The following DLG1 variants were observed in gnomAD, a reference collection of about 807,000 sequenced individuals.
DLG1 encodes disks large homolog 1.
A neutral mutation model predicts 123.4 loss-of-function variants in DLG1; 42 were observed. The observed-to-expected ratio is 0.34, with a 90% confidence interval of 0.27 to 0.44. The LOEUF (loss-of-function observed/expected upper bound fraction) is 0.44, where lower values mean the gene tolerates loss of function less well. Among genes scored for constraint, DLG1 ranks in the 20% least tolerant of loss-of-function variants. The probability of loss-of-function intolerance (pLI) is 1.00; values close to 1 mark genes in which losing one functional copy is unlikely to be tolerated. For synonymous variants in DLG1, 317 were observed against 356.2 expected (o/e 0.89, Z 1.24); for missense variants, 942 against 1,082.6 (o/e 0.87, Z 1.82).
At chr3:197,266,558 G>A (rs1761777595) in intron 4 of DLG1, among the ~76,000 whole-genome samples, 2 of 151,898 alleles carry the variant, frequency 1.3e-5, no homozygotes, top group Non-Finnish European at 2.9e-5. Context: ...GGATGCAGTG[G>A]GCCATGACCA....
At chr3:197,262,220 C>T (rs1759728070) in intron 4 of DLG1, among the ~76,000 whole-genome samples, 1 of 152,040 alleles carries the variant, frequency 6.6e-6, no homozygotes, top group Admixed American at 6.5e-5. Context: ...ACTTTCAGCT[C>T]CACCCACCAA....
At chr3:197,094,781 A>G (rs1408347744) in intron 14 of DLG1, among the ~76,000 whole-genome samples, 2 of 152,094 alleles carry the variant, frequency 1.3e-5, no homozygotes, top group Admixed American at 6.5e-5. Flanking sequence ...TCCAGTTTTT[A>G]TATGTGAAAG....
intron 5 of DLG1, among the ~76,000 whole-genome samples, chr3:197,156,036 A>G (rs1796281279): frequency 6.6e-6 from 1 of 152,244 alleles, no homozygotes. Flanking sequence ...AAAAGCTAAC[A>G]TTATAACTTT....
intron 4 of DLG1, among the ~76,000 whole-genome samples, chr3:197,206,510 G>A (rs2150364588): frequency 1.3e-5 from 2 of 152,136 alleles, no homozygotes; most frequent in Middle Eastern, 3.4e-3. Flanking sequence ...ACATTGCGCA[G>A]GCTGGTCTGG....
At chr3:197,273,172 C>G (rs1483358803) in intron 4 of DLG1, among the ~76,000 whole-genome samples, 2 of 150,230 alleles carry the variant, frequency 1.3e-5, no homozygotes, top group Non-Finnish European at 3.0e-5. Flanking sequence ...CAGATTAAAC[C>G]TGGTACACTG....
At chr3:197,133,734 C>A (rs1243077304) in intron 10 of DLG1, among the ~76,000 whole-genome samples, 1 of 152,060 alleles carries the variant, frequency 6.6e-6, no homozygotes, top group Non-Finnish European at 1.5e-5. Flanking sequence ...TTAGAGGTTA[C>A]AGATATGAGG....
At position 197,125,478 on chromosome 3, in the gene DLG1, T is replaced by C. The variant is rs1282977071; in HGVS notation, c.1165+5049A>G. ...ACATGAGAAACCATGGAATCTAAGC[T>C]AATACAAATAGAAAAATTGAGACAA... On this transcript the variant is annotated intron_variant, in intron 11 of 24. Transcript: ENST00000667157. Among the ~76,000 whole-genome samples, 3 of 152,024 alleles carry C rather than the reference T, an allele frequency of 2.0e-5. No homozygotes were observed. The East Asian group carries it at 5.8e-4, about 29-fold the overall frequency.
Position 197,175,778 on chromosome 3 carries a change from T to C in DLG1, c.483+18647A>G, listed in dbSNP as rs147009122. Reference sequence around the variant, plus strand: ...TGGCTGACATTAAACAAAATCATTATCCAAATGACTACTGAATTAGAGTCG... The same window carrying C: ...TGGCTGACATTAAACAAAATCATTACCCAAATGACTACTGAATTAGAGTCG... On this transcript the variant is annotated intron_variant, in intron 5 of 24. Transcript: ENST00000667157. Among the ~76,000 whole-genome samples, 438 of 152,244 alleles carry C rather than the reference T, an allele frequency of 2.9e-3. 4 individuals carry two copies. The highest frequency in any genetic ancestry group is 0.01 in the African/African-American group (417 of 41,550).
intron 4 of DLG1, among the ~76,000 whole-genome samples, chr3:197,212,095 G>C (rs996026168): frequency 6.8e-6 from 1 of 146,472 alleles, no homozygotes; most frequent in African/African-American, 2.4e-5. Context: ...TGAGGGTGGA[G>C]AGTGGGAGGA....
At chr3:197,275,874 A>C (rs1766181510) in intron 4 of DLG1, among the ~76,000 whole-genome samples, 2 of 152,360 alleles carry the variant, frequency 1.3e-5, no homozygotes, top group African/African-American at 4.8e-5. Context: ...TAGAAGAGAA[A>C]ATCTGGAATA....
intron 5 of DLG1, among the ~76,000 whole-genome samples, chr3:197,163,554 G>A (rs1398553213): frequency 1.3e-5 from 2 of 148,496 alleles, no homozygotes; most frequent in African/African-American, 2.5e-5. Flanking sequence ...ATGGAGTCTC[G>A]CTCTGTTGCC....
chr3:197,106,351 A>G (rs765965048), intron 13 of DLG1, among the ~76,000 whole-genome samples: 15 of 152,172 alleles, frequency 9.9e-5, no homozygotes, highest in Non-Finnish European at 1.9e-4. Context: ...AGTTACAGTG[A>G]GCTGAGATCA....
At chr3:197,270,180 G>C (rs1201087311) in intron 4 of DLG1, among the ~76,000 whole-genome samples, 1 of 152,048 alleles carries the variant, frequency 6.6e-6, no homozygotes, top group Non-Finnish European at 1.5e-5. Flanking sequence ...AATAAACTTG[G>C]GAAAATTGTT....
At chr3:197,057,511 G>A (rs1448620887) in intron 23 of DLG1, among the ~76,000 whole-genome samples, 1 of 152,214 alleles carries the variant, frequency 6.6e-6, no homozygotes, top group African/African-American at 2.4e-5. Flanking sequence ...TTCAGCTTTA[G>A]GAGACACTAT....
In DLG1 at chr3:197,145,449, C is replaced by G. The variant is rs116714935; in HGVS notation, c.538-2681G>C. ...TACTCTATTCTATTTTTAGAAACCT[C>G]AAAATTTACCAATTTTCCTTGGCAT... On this transcript the variant is annotated intron_variant, in intron 6 of 24. Transcript: ENST00000667157. 3.4e-3 allele frequency among the ~76,000 whole-genome samples: 516 copies of G among 152,290 alleles called. 2 individuals carry two copies. Among genetic ancestry groups the G allele is most frequent in the African/African-American group, 5.1e-3 (211 of 41,564 alleles).
Position 197,222,100 on chromosome 3 carries a change from C to T in DLG1, c.319-27511G>A, listed in dbSNP as rs190474615. Among the ~76,000 whole-genome samples the T allele has an allele frequency of 5.5e-3, 837 of 152,220 alleles. 7 individuals carry two copies. The highest frequency in any genetic ancestry group is 6.2e-3 in the Non-Finnish European group (424 of 68,004). Reference sequence around the variant, plus strand: ...GTTCAGTACAAACACAATTTTTCCCCCGAATTCTGATCCACAGTCGGTTGA... The same window carrying T: ...GTTCAGTACAAACACAATTTTTCCCTCGAATTCTGATCCACAGTCGGTTGA... On this transcript the variant is annotated intron_variant, in intron 4 of 24. Coordinates refer to ENST00000667157, the MANE Select transcript of DLG1 (RefSeq NM_001366207.1).
chr3:197,083,040 C>A (rs2149083089), intron 16 of DLG1, among the ~76,000 whole-genome samples: 1 of 152,236 alleles, frequency 6.6e-6, no homozygotes, highest in Admixed American at 6.5e-5. Context: ...GGAAGCATTT[C>A]CGAATTTAAA....
At chr3:197,185,883 T>C (rs545673873) in intron 5 of DLG1, among the ~76,000 whole-genome samples, 6 of 152,292 alleles carry the variant, frequency 3.9e-5, no homozygotes, top group South Asian at 4.1e-4. Context: ...CTATTTATCC[T>C]ACAGAGCCAG....
At chr3:197,131,703 C>T (rs1432070682) in intron 10 of DLG1, among the ~76,000 whole-genome samples, 1 of 145,884 alleles carries the variant, frequency 6.9e-6, no homozygotes, top group Non-Finnish European at 1.5e-5. Context: ...ACGCCATTCT[C>T]CTGCCTCAGC....
Sources: allele counts gnomAD v4.1 joint callset (sites outside exome capture counted in the v4.1 genomes callset), GRCh38; gene constraint gnomAD v4.1.1; transcripts MANE v1.5; gene names NCBI Gene and HGNC (gene_info 2026-07-23, HGNC 2026-07-21).